GABBR2: variants seen among roughly 807,000 people sequenced by gnomAD.
GABBR2 encodes the protein gamma-aminobutyric acid type B receptor subunit 2.
Under a neutral mutation model 105.6 loss-of-function variants are expected in GABBR2, and 23 were observed. The ratio of observed to expected loss-of-function variants is 0.22; its 90% confidence interval spans 0.16 to 0.31. GABBR2 has a LOEUF of 0.31. Among genes scored for constraint, GABBR2 ranks in the 10% least tolerant of loss-of-function variants. The pLI, the probability that GABBR2 is intolerant of heterozygous loss-of-function variation, is 1.00. For synonymous variants in GABBR2, 478 were observed against 499.7 expected (o/e 0.96, Z 0.58); for missense variants, 734 against 1,245.5 (o/e 0.59, Z 6.18).
rs897455274 is a variant in GABBR2 at position 98,595,355 on chromosome 9, G to T, written c.322-17283C>A. Among the ~76,000 whole-genome samples, 54 of 151,806 alleles carry T rather than the reference G, an allele frequency of 3.6e-4. 1 individual carries two copies. The highest frequency in any genetic ancestry group is 1.0e-4 in the Non-Finnish European group (7 of 68,004). On this transcript the variant is annotated intron_variant, in intron 1 of 18. Coordinates refer to ENST00000259455, the MANE Select transcript of GABBR2 (RefSeq NM_005458.8). ...CTAATACCATCAGTTTGGGGGCTAG[G>T]ATTTCAACATATGACTCTTGGGGGA...
chr9:98,432,283 G>A (rs1049625432), intron 7 of GABBR2, among the ~76,000 whole-genome samples: 1 of 152,196 alleles, frequency 6.6e-6, no homozygotes, highest in African/African-American at 2.4e-5. Context: ...CAGAATGAAT[G>A]AGCGGCAGAG....
At chr9:98,505,874 A>G (rs1363833530) in intron 3 of GABBR2, among the ~76,000 whole-genome samples, 1 of 152,176 alleles carries the variant, frequency 6.6e-6, no homozygotes, top group Non-Finnish European at 1.5e-5. Context: ...ACTATGAGAC[A>G]ATACATTTCT....
intron 5 of GABBR2, among the ~76,000 whole-genome samples, chr9:98,480,242 G>A (rs1826887913): frequency 6.6e-6 from 1 of 152,128 alleles, no homozygotes; most frequent in Admixed American, 6.5e-5. Context: ...CATCAAAATG[G>A]AAACTGACTT....
intron 6 of GABBR2, among the ~76,000 whole-genome samples, chr9:98,456,311 C>G (rs1826325629): frequency 6.6e-6 from 1 of 152,196 alleles, no homozygotes; most frequent in African/African-American, 2.4e-5. Context: ...CAGCTCTTGG[C>G]ATGATAATTC....
At chr9:98,362,867 C>T (rs373073577) in intron 12 of GABBR2, 30 bp from the exon 13 acceptor site, 45 of 1,479,194 alleles carry the variant, frequency 3.0e-5, no homozygotes, top group African/African-American at 5.7e-5. Context: ...AGAGGGGAGC[C>T]GATGTGAGAG....
At chr9:98,598,583 G>GAA (rs143124593) in intron 1 of GABBR2, among the ~76,000 whole-genome samples, 10 of 114,132 alleles carry the variant, frequency 8.8e-5, no homozygotes, top group Non-Finnish European at 1.7e-4. Flanking sequence ...GAAAGAAGAA[G>GAA]AAAAAAAAAA....
chr9:98,639,069 C>T (rs1333231489), intron 1 of GABBR2, among the ~76,000 whole-genome samples: 3 of 152,176 alleles, frequency 2.0e-5, no homozygotes, highest in Non-Finnish European at 4.4e-5. Flanking sequence ...AATAGCAGCC[C>T]GATACTTAGT....
At chr9:98,318,370 T>C (rs990397819) in intron 13 of GABBR2, among the ~76,000 whole-genome samples, 1 of 152,220 alleles carries the variant, frequency 6.6e-6, no homozygotes, top group Admixed American at 6.5e-5. Context: ...ACGCAGATTC[T>C]CTTTGTCACC....
intron 2 of GABBR2, among the ~76,000 whole-genome samples, chr9:98,549,679 G>A (rs559795044): frequency 4.1e-4 from 62 of 152,266 alleles, no homozygotes; most frequent in African/African-American, 1.3e-3. Context: ...TTTGCCCACC[G>A]CCCTGCTTGC....
intron 7 of GABBR2, among the ~76,000 whole-genome samples, chr9:98,427,920 G>A (rs1219075279): frequency 6.6e-6 from 1 of 152,180 alleles, no homozygotes; most frequent in Non-Finnish European, 1.5e-5. Flanking sequence ...GCACTAGTGA[G>A]CCTTAGAATG....
intron 10 of GABBR2, among the ~76,000 whole-genome samples, chr9:98,387,976 G>A (rs914757440): frequency 6.6e-6 from 1 of 152,152 alleles, no homozygotes; most frequent in African/African-American, 2.4e-5. Context: ...GGGCACCATG[G>A]CAGAGCCATG....
intron 13 of GABBR2, among the ~76,000 whole-genome samples, chr9:98,331,882 T>G (rs1831032846): frequency 6.6e-6 from 1 of 152,198 alleles, no homozygotes; most frequent in Non-Finnish European, 1.5e-5. Context: ...CAAATGAGAC[T>G]GATCCAACCT....
intron 1 of GABBR2, among the ~76,000 whole-genome samples, chr9:98,687,159 G>C (rs1408809792): frequency 1.3e-5 from 2 of 151,584 alleles, no homozygotes; most frequent in Admixed American, 6.6e-5. Context: ...TACTGCAACT[G>C]GGGGCAAGAG....
intron 1 of GABBR2, among the ~76,000 whole-genome samples, chr9:98,619,067 G>A (rs570343528): frequency 6.6e-6 from 1 of 152,130 alleles, no homozygotes; most frequent in African/African-American, 2.4e-5. Flanking sequence ...CCTGTAATGA[G>A]CATACATATA....
Position 98,547,290 on chromosome 9 carries a change from ATATT to A in GABBR2, c.460-5251_460-5248del, listed in dbSNP as rs1241407336. Among the ~76,000 whole-genome samples the A allele has an allele frequency of 2.6e-5, 3 of 117,104 alleles. 1 individual carries two copies. Among genetic ancestry groups the A allele is most frequent in the Non-Finnish European group, 1.9e-5 (1 of 53,078 alleles). The allele number at this position is 117,104 out of a possible 152,430, so 76.8% of individuals were successfully genotyped here. ...TATATATATATAAAATGACTATGCT[ATATT>A]TATATTGTGTATATTGTTTTATATT... On this transcript the variant is annotated intron_variant, in intron 2 of 18. Coordinates refer to ENST00000259455, the MANE Select transcript of GABBR2 (RefSeq NM_005458.8).
chr9:98,576,291 T>A (rs556254156), intron 2 of GABBR2, among the ~76,000 whole-genome samples: 3 of 152,312 alleles, frequency 2.0e-5, no homozygotes, highest in African/African-American at 7.2e-5. Context: ...TTTCCCTGTT[T>A]TCTGTTCCAC....
intron 6 of GABBR2, among the ~76,000 whole-genome samples, chr9:98,463,975 G>A: frequency 6.6e-6 from 1 of 152,180 alleles, no homozygotes; most frequent in African/African-American, 2.4e-5. Flanking sequence ...GCGTGATCTT[G>A]GCTCGCTACA....
rs879860755 is a variant in GABBR2, at chr9:98,636,622, T to C, written c.322-58550A>G. Reference sequence around the variant, plus strand: ...AATTCTCCCGCCTCAGCCTCCCAAGTAGCTGGGACTACAGATGCATGCTGC... The same window carrying C: ...AATTCTCCCGCCTCAGCCTCCCAAGCAGCTGGGACTACAGATGCATGCTGC... On this transcript the variant is annotated intron_variant, in intron 1 of 18. Transcript: ENST00000259455. Among the ~76,000 whole-genome samples, 7 of 149,818 alleles carry C rather than the reference T, an allele frequency of 4.7e-5. No homozygotes were observed. The South Asian group carries it at 6.4e-4, about 14-fold the overall frequency.
intron 1 of GABBR2, among the ~76,000 whole-genome samples, chr9:98,582,447 C>T (rs1829015892): frequency 6.6e-6 from 1 of 152,152 alleles, no homozygotes; most frequent in African/African-American, 2.4e-5. Context: ...CCAGATGACA[C>T]TTTGATTTTG....
Sources: allele counts gnomAD v4.1 joint callset (sites outside exome capture counted in the v4.1 genomes callset), GRCh38; gene constraint gnomAD v4.1.1; transcripts MANE v1.5; gene names NCBI Gene and HGNC (gene_info 2026-07-23, HGNC 2026-07-21).